CRTC1: variants seen among roughly 807,000 people sequenced by gnomAD.
CRTC1 encodes CREB regulated transcription coactivator 1.
CRTC1 carries 18 observed loss-of-function variants against 66.1 expected under a neutral mutation model. The ratio of observed to expected loss-of-function variants is 0.27; its 90% confidence interval spans 0.19 to 0.40. The LOEUF is 0.40. Among genes scored for constraint, CRTC1 ranks in the 10% least tolerant of loss-of-function variants. CRTC1 has a pLI of 1.00. For missense variants in CRTC1, 669 were observed against 887.9 expected, an observed-to-expected ratio of 0.75 and a Z score of 3.13; for synonymous variants, 416 against 398.8, an observed-to-expected ratio of 1.04 and a Z score of -0.51.
chr19:18,774,758 A>G (rs1420996740), intron 11 of CRTC1, 142 bp from the exon 12 acceptor site: 1 of 743,836 alleles, frequency 1.3e-6, no homozygotes, highest in Non-Finnish European at 2.2e-6. Context: ...GCACTTCTGG[A>G]ACCCCAAAAT....
chr19:18,762,395 C>T (rs546754653), intron 8 of CRTC1, among the ~76,000 whole-genome samples: 21 of 152,318 alleles, frequency 1.4e-4, no homozygotes, highest in African/African-American at 4.6e-4. Flanking sequence ...GCTTTCTGGA[C>T]GCCTTTTAAA....
Position 18,749,808 on chromosome 19 carries a change from G to C in CRTC1, c.471G>C (p.Gln157His), listed in dbSNP as rs1390969097. ...RRTNSDSALHQSTMTPTQPES... is the reference protein window; with the variant it reads ...RRTNSDSALHHSTMTPTQPES... The stretch of plus-strand genomic sequence containing the variant: ...CCAATTCTGACTCCGCCCTGCACCA[G>C]AGCACAATGACGCCCACGCAGCCAG... The change falls in exon 5 of 14, where the codon CAG (glutamine) becomes CAC (histidine). Residue 157 changes from glutamine to histidine, a missense_variant. Physicochemically the swap from Gln to His is conservative, Grantham distance 24 (BLOSUM62 0). Transcript: ENST00000321949. 1 of 1,614,120 alleles carries C rather than the reference G, an allele frequency of 6.2e-7. No homozygotes were observed. Among genetic ancestry groups the C allele is most frequent in the South Asian group, 1.1e-5 (1 of 91,092 alleles).
intron 6 of CRTC1, among the ~76,000 whole-genome samples, chr19:18,756,126 G>A (rs1220827433): frequency 4.6e-5 from 7 of 152,126 alleles, no homozygotes; most frequent in Admixed American, 2.0e-4. Context: ...CTGAGGTCAG[G>A]GGTTTGACAC....
At chr19:18,692,816 C>G (rs1315383322) in intron 1 of CRTC1, among the ~76,000 whole-genome samples, 2 of 152,090 alleles carry the variant, frequency 1.3e-5, no homozygotes, top group Non-Finnish European at 2.9e-5. Context: ...TGGCTCACGC[C>G]TGTAATCCCA....
At chr19:18,735,135 C>T (rs2053970097) in intron 1 of CRTC1, among the ~76,000 whole-genome samples, 1 of 152,212 alleles carries the variant, frequency 6.6e-6, no homozygotes, top group South Asian at 2.1e-4. Context: ...GAGGGTCAGA[C>T]ATGGGAAGTT....
chr19:18,727,436 T>TC (rs1281026577), intron 1 of CRTC1, among the ~76,000 whole-genome samples: 1 of 149,614 alleles, frequency 6.7e-6, no homozygotes, highest in Non-Finnish European at 1.5e-5. Flanking sequence ...AAAAAATTAG[T>TC]TGGGTATGGT....
At chr19:18,744,122 G>A (rs771329642) in intron 2 of CRTC1, 11 of 1,612,724 alleles carry the variant, frequency 6.8e-6, no homozygotes, top group Non-Finnish European at 6.8e-6. Context: ...GCGGATTTCT[G>A]GGGGAGGCCC....
At chr19:18,761,550 A>G (rs561199957) in intron 8 of CRTC1, among the ~76,000 whole-genome samples, 2 of 152,288 alleles carry the variant, frequency 1.3e-5, no homozygotes, top group South Asian at 2.1e-4. Context: ...TTTCTATGAG[A>G]TAGTCACATG....
At position 18,777,619 on chromosome 19, in the gene CRTC1, G is replaced by A. The variant is rs933936317; in HGVS notation, c.*237G>A. 1.4e-5 allele frequency: 7 copies of A among 508,220 alleles called. No individual in the cohort carries two copies. In the East Asian group the frequency reaches 1.5e-4, roughly 11 times the overall value. 31.5% of individuals were successfully genotyped at this position (508,220 alleles called of 1,614,324 possible). A position where few individuals can be genotyped will look rare whatever the true frequency, so the allele number is the denominator to read the frequency against. ...CAGGGCTGGGCTGGGATCGGAGGCC[G>A]TGAGCCTCCCGCCCCTGCAGACCCT... On this transcript the variant is annotated 3_prime_UTR_variant, in exon 14 of 14. Coordinates refer to ENST00000321949, the MANE Select transcript of CRTC1 (RefSeq NM_015321.3). This position sits in a 1 kb window ranked among gnomAD's most constrained non-coding sequence, Gnocchi z 5.5.
At chr19:18,743,599 G>C (rs1343197582) in intron 2 of CRTC1, among the ~76,000 whole-genome samples, 2 of 151,936 alleles carry the variant, frequency 1.3e-5, no homozygotes, top group Admixed American at 1.3e-4. Flanking sequence ...CCCCAGGACG[G>C]TGTCTGGGCT....
chr19:18,694,298 C>CAAAAAAAAAAAAAAAAAA (rs202211420), intron 1 of CRTC1, among the ~76,000 whole-genome samples: 1 of 91,330 alleles, frequency 1.1e-5, no homozygotes, highest in Non-Finnish European at 2.3e-5. Context: ...GACTCCATCT[C>CAAAAAAAAAAAAAAAAAA]AAAAAAAAAA....
At chr19:18,775,337 G>A (rs1157377686) in intron 12 of CRTC1, among the ~76,000 whole-genome samples, 1 of 152,254 alleles carries the variant, frequency 6.6e-6, no homozygotes, top group Non-Finnish European at 1.5e-5. Context: ...GGGTTTGCCG[G>A]GAGGTCGTGC....
At chr19:18,688,468 C>T (rs2052743300) in intron 1 of CRTC1, among the ~76,000 whole-genome samples, 1 of 151,596 alleles carries the variant, frequency 6.6e-6, no homozygotes, top group Non-Finnish European at 1.5e-5. Flanking sequence ...GAGGAGGAGC[C>T]CCCCCTGTCG....
rs112412528 is a variant in CRTC1, at chr19:18,754,750, C to A, written c.624+1165C>A. On this transcript the variant is annotated intron_variant, in intron 6 of 13. Coordinates refer to ENST00000321949, the MANE Select transcript of CRTC1 (RefSeq NM_015321.3). ...AAACTCATGAGAGACACTCCTGATA[C>A]TATTGTCATGTGGACAGAGTAGGAT... is the stretch of plus-strand genomic sequence containing the variant. Among the ~76,000 whole-genome samples, 855 of 152,224 alleles carry A rather than the reference C, an allele frequency of 5.6e-3. 6 individuals carry two copies. The highest frequency in any genetic ancestry group is 0.016 in the African/African-American group (667 of 41,546).
intron 6 of CRTC1, among the ~76,000 whole-genome samples, chr19:18,757,931 A>G (rs1017299870): frequency 1.3e-5 from 2 of 150,942 alleles, no homozygotes; most frequent in African/African-American, 4.9e-5. Context: ...GGCAGGAGAA[A>G]GGCGTGAACC....
intron 1 of CRTC1, among the ~76,000 whole-genome samples, chr19:18,731,424 C>T (rs2053885689): frequency 6.6e-6 from 1 of 152,208 alleles, no homozygotes; most frequent in South Asian, 2.1e-4. Context: ...GTCCTCCCCT[C>T]TCATGGGGGC....
chr19:18,684,223 C>T (rs2052633597), intron 1 of CRTC1, among the ~76,000 whole-genome samples: 1 of 151,926 alleles, frequency 6.6e-6, no homozygotes, highest in Non-Finnish European at 1.5e-5. Flanking sequence ...GGGACAGGTG[C>T]CCCCGCATCA....
chr19:18,745,053 G>A (rs995847085), intron 2 of CRTC1, among the ~76,000 whole-genome samples: 1 of 152,196 alleles, frequency 6.6e-6, no homozygotes, highest in Non-Finnish European at 1.5e-5. Context: ...CAGTCAGATG[G>A]CAAGTGGGCA....
At chr19:18,686,188 A>T (rs1441667270) in intron 1 of CRTC1, among the ~76,000 whole-genome samples, 3 of 151,894 alleles carry the variant, frequency 2.0e-5, no homozygotes, top group African/African-American at 4.8e-5. Context: ...ATGGAATCAC[A>T]CAACACGTGG....
Sources: gnomAD v4.1 joint callset for allele counts (sites outside exome capture counted in the v4.1 genomes callset) on GRCh38, gnomAD v4.1.1 for gene constraint, Gnocchi (gnomAD v3.1) non-coding constraint, MANE v1.5 for transcripts, NCBI Gene and HGNC (gene_info 2026-07-23, HGNC 2026-07-21) for gene names.